NOL4L: variants seen among roughly 807,000 people sequenced by gnomAD.
The protein encoded by NOL4L is nucleolar protein 4 like.
A neutral mutation model predicts 64.5 loss-of-function variants in NOL4L; 7 were observed. The ratio of observed to expected loss-of-function variants is 0.11; its 90% CI spans 0.06 to 0.20. The LOEUF (loss-of-function observed/expected upper bound fraction) is 0.20, where lower values mean the gene tolerates loss of function less well. NOL4L is among the 10% of genes least tolerant of loss of function. The probability of loss-of-function intolerance (pLI) is 1.00; values close to 1 mark genes in which losing one functional copy is unlikely to be tolerated. For missense variants in NOL4L, 680 were observed against 967.1 expected, an observed-to-expected ratio of 0.70 and a Z score of 3.94; for synonymous variants, 413 against 401.0, an observed-to-expected ratio of 1.03 and a Z score of -0.36.
intron 4 of NOL4L, among the ~76,000 whole-genome samples, chr20:32,487,868 C>T (rs1287349319): frequency 6.6e-6 from 1 of 152,144 alleles, no homozygotes; most frequent in Non-Finnish European, 1.5e-5. Flanking sequence ...GGGCACCATA[C>T]CTAAACCTCT....
intron 1 of NOL4L, chr20:32,549,005 C>T (rs571183482): frequency 1.5e-5 from 3 of 199,092 alleles, no homozygotes; most frequent in African/African-American, 7.1e-5. Flanking sequence ...AACTATAAAA[C>T]TCTTAGAAGA....
chr20:32,584,914 C>A lies in NOL4L; in HGVS notation c.-24G>T, dbSNP rs1202087788. The A allele has an allele frequency of 8.4e-7, 1 of 1,188,232 alleles. No homozygotes were observed. Among genetic ancestry groups the A allele is most frequent in the East Asian group, 3.6e-5 (1 of 27,752 alleles). The allele number at this position is 1,188,232 out of a possible 1,614,324, so 73.6% of individuals were successfully genotyped here. A position where few individuals can be genotyped will look rare whatever the true frequency, so the allele number is the denominator to read the frequency against. On this transcript the variant is annotated 5_prime_UTR_variant, in exon 1 of 11. Coordinates refer to ENST00000621426, the MANE Select transcript of NOL4L (RefSeq NM_001256798.2). Reference sequence around the variant, plus strand: ...ATCCTCCCGCCGCGCCCGGCGCCCTCGGGGGCGGGCCGGCCGCCGGGCCGC... The same window carrying A: ...ATCCTCCCGCCGCGCCCGGCGCCCTAGGGGGCGGGCCGGCCGCCGGGCCGC...
intron 4 of NOL4L, among the ~76,000 whole-genome samples, chr20:32,492,891 A>G (rs903048031): frequency 3.9e-5 from 6 of 152,180 alleles, no homozygotes; most frequent in African/African-American, 1.2e-4. Flanking sequence ...TGCTGGACCA[A>G]GATGTGTGGG....
chr20:32,546,109 G>A (rs1176335264), intron 1 of NOL4L, among the ~76,000 whole-genome samples: 4 of 151,622 alleles, frequency 2.6e-5, no homozygotes, highest in African/African-American at 4.8e-5. Context: ...CACCATGCCC[G>A]GCTAATTTTT....
intron 1 of NOL4L, among the ~76,000 whole-genome samples, chr20:32,579,329 T>C (rs960132640): frequency 6.6e-6 from 1 of 152,098 alleles, no homozygotes; most frequent in Non-Finnish European, 1.5e-5. Context: ...GTTGCACTTT[T>C]ACACACACAC....
At chr20:32,581,388 C>G (rs1463096531) in intron 1 of NOL4L, among the ~76,000 whole-genome samples, 1 of 152,212 alleles carries the variant, frequency 6.6e-6, no homozygotes, top group African/African-American at 2.4e-5. Context: ...CCCAGAAAAG[C>G]TCAGGGCCAG....
At chr20:32,531,583 CCT>C (rs1474110871) in intron 1 of NOL4L, among the ~76,000 whole-genome samples, 2 of 152,114 alleles carry the variant, frequency 1.3e-5, no homozygotes, top group African/African-American at 4.8e-5. Flanking sequence ...AAACTCCTGA[CCT>C]CAGGTGATCC....
At position 32,460,391 on chromosome 20, in the gene NOL4L, G is replaced by A. The variant is rs1313965382; in HGVS notation, c.842-3996C>T. On this transcript the variant is annotated intron_variant, in intron 5 of 10. Coordinates refer to ENST00000621426, the MANE Select transcript of NOL4L (RefSeq NM_001256798.2). The surrounding 1 kb of genome is among the most constrained non-coding windows in gnomAD (Gnocchi z 5.7). ...CCCCCAGCTCCGCTCAGGCAGCCCC[G>A]GCATGCCAGCCCCCACCCCACACAG... is the stretch of plus-strand genomic sequence containing the variant. Among the ~76,000 whole-genome samples, 5 of 152,246 alleles carry A rather than the reference G, an allele frequency of 3.3e-5. No individual in the cohort carries two copies. Among genetic ancestry groups the A allele is most frequent in the South Asian group, 2.1e-4 (1 of 4,824 alleles).
At position 32,486,581 on chromosome 20, in the gene NOL4L, T is replaced by G. The variant is rs544811344; in HGVS notation, c.700-11839A>C. 63 of 375,938 alleles carry G rather than the reference T, an allele frequency of 1.7e-4. 1 individual carries two copies. Among genetic ancestry groups the G allele is most frequent in the South Asian group, 1.3e-3 (61 of 47,190 alleles). The allele number at this position is 375,938 out of a possible 1,614,324, so 23.3% of individuals were successfully genotyped here. A position where few individuals can be genotyped will look rare whatever the true frequency, so the allele number is the denominator to read the frequency against. Reference sequence around the variant, plus strand: ...CCATGGGACTCTGGTTTGCCATTATTAGGACAAATAGGATCTTAGCGTGAC... The same window carrying G: ...CCATGGGACTCTGGTTTGCCATTATGAGGACAAATAGGATCTTAGCGTGAC... On this transcript the variant is annotated intron_variant, in intron 4 of 10. Transcript: ENST00000621426.
chr20:32,487,529 AGG>A (rs2094328670), intron 4 of NOL4L, among the ~76,000 whole-genome samples: 1 of 151,684 alleles, frequency 6.6e-6, no homozygotes, highest in South Asian at 2.1e-4. Context: ...TTCCAGGCAG[AGG>A]GAATAGTTGG....
intron 4 of NOL4L, chr20:32,509,887 G>A (rs773462131): frequency 7.7e-7 from 1 of 1,304,192 alleles, no homozygotes; most frequent in East Asian, 5.5e-5. Flanking sequence ...GGGCACAGAT[G>A]AGCACGGTGA....
At chr20:32,533,519 A>G (rs2018414890) in intron 1 of NOL4L, 1 of 152,246 alleles carries the variant, frequency 6.6e-6, no homozygotes, top group Non-Finnish European at 1.5e-5. Flanking sequence ...CATTAAATAT[A>G]GACATGCTCT....
chr20:32,511,381 T>C lies in NOL4L; in HGVS notation c.665A>G (p.Gln222Arg), dbSNP rs768818841. The C allele has an allele frequency of 3.9e-6, 6 of 1,550,294 alleles. No homozygotes were observed. The highest frequency in any genetic ancestry group is 2.7e-5 in the African/African-American group (2 of 73,054). ...GGAATTCATCACTCGAAGCTTCATC[T>C]GCTTCAGGTAGGTGGAGGTGAGGGG... ...NMPLTSTYLKQMKLRVMNSQE... is the reference protein window; with the variant it reads ...NMPLTSTYLKRMKLRVMNSQE... The change falls in exon 4 of 11, where the codon CAG becomes CGG. Residue 222 changes from glutamine to arginine, a missense_variant. Around this residue, in one of 4 missense-constraint regions of NOL4L, gnomAD observed 181 missense variants for 335.2 expected, o/e 0.54. Coordinates refer to ENST00000621426, the MANE Select transcript of NOL4L (RefSeq NM_001256798.2).
intron 1 of NOL4L, among the ~76,000 whole-genome samples, chr20:32,542,408 T>C (rs934009116): frequency 4.6e-5 from 7 of 152,174 alleles, no homozygotes; most frequent in African/African-American, 1.7e-4. Context: ...GACTGGAGTA[T>C]AGTGGCAGGA....
At chr20:32,494,253 G>GGAAAAAAA (rs2016583470) in intron 4 of NOL4L, among the ~76,000 whole-genome samples, 1 of 22,028 alleles carries the variant, frequency 4.5e-5, no homozygotes. Context: ...ATAATCTCGG[G>GGAAAAAAA]AAAAAAAAAA....
intron 1 of NOL4L, among the ~76,000 whole-genome samples, chr20:32,580,147 G>A (rs1379732118): frequency 6.6e-6 from 1 of 152,198 alleles, no homozygotes; most frequent in African/African-American, 2.4e-5. Flanking sequence ...CCCTGGCATT[G>A]GTGTGGACTA....
At chr20:32,532,358 T>C in intron 1 of NOL4L, 2 of 985,436 alleles carry the variant, frequency 2.0e-6, no homozygotes, top group Non-Finnish European at 2.4e-6. Flanking sequence ...CTGGATTCCA[T>C]GTGTGCTACA....
intron 1 of NOL4L, among the ~76,000 whole-genome samples, chr20:32,567,876 T>C (rs1266143268): frequency 2.0e-5 from 3 of 151,544 alleles, no homozygotes; most frequent in Admixed American, 6.6e-5. Flanking sequence ...ACCATTGTCA[T>C]CACCACCACC....
At chr20:32,538,805 T>C (rs2018603008) in intron 1 of NOL4L, among the ~76,000 whole-genome samples, 1 of 152,156 alleles carries the variant, frequency 6.6e-6, no homozygotes, top group Non-Finnish European at 1.5e-5. Context: ...GTCGCTCCCG[T>C]CTAGCCGGCT....
Sources: gnomAD v4.1 joint callset for allele counts (sites outside exome capture counted in the v4.1 genomes callset) on GRCh38, gnomAD v4.1.1 for gene constraint, gnomAD v4.1.1 regional missense constraint, Gnocchi (gnomAD v3.1) non-coding constraint, MANE v1.5 for transcripts, NCBI Gene and HGNC (gene_info 2026-07-23, HGNC 2026-07-21) for gene names.